The following PCDH15 variants were observed in gnomAD, a reference collection of about 807,000 sequenced individuals.
The protein encoded by PCDH15 is protocadherin-15.
PCDH15 carries 129 observed loss-of-function variants against 178.5 expected under a neutral mutation model. That is an observed-to-expected ratio of 0.72 (90% CI 0.63 to 0.84). The LOEUF (loss-of-function observed/expected upper bound fraction) is 0.84. Among genes scored for constraint, PCDH15 ranks in the 40% least tolerant of loss-of-function variants. PCDH15 has a pLI of 0.00. For missense variants in PCDH15, 2,230 were observed against 2,099.9 expected (o/e 1.06, Z -1.21); for synonymous variants, 800 against 732.0 (o/e 1.09, Z -1.50).
intron 1 of PCDH15, among the ~76,000 whole-genome samples, chr10:55,244,078 A>T (rs1379424300): frequency 6.6e-6 from 1 of 152,102 alleles, no homozygotes; most frequent in Non-Finnish European, 1.5e-5. Context: ...GAATATTCTG[A>T]TAATTTGTCT....
intron 1 of PCDH15, among the ~76,000 whole-genome samples, chr10:55,248,621 A>G (rs1025971359): frequency 5.3e-5 from 8 of 152,020 alleles, no homozygotes; most frequent in Non-Finnish European, 8.8e-5. Context: ...CCCATGCTGG[A>G]TTTCAGTGGC....
intron 5 of PCDH15, among the ~76,000 whole-genome samples, chr10:54,356,426 GC>G (rs1944984918): frequency 6.6e-6 from 1 of 151,762 alleles, no homozygotes; most frequent in African/African-American, 2.4e-5. Context: ...AGTAGTAAGG[GC>G]TGAAGAAGTT....
intron 3 of PCDH15, among the ~76,000 whole-genome samples, chr10:54,837,602 C>A (rs1953338468): frequency 6.6e-6 from 1 of 151,976 alleles, no homozygotes; most frequent in African/African-American, 2.4e-5. Context: ...TACAATATTC[C>A]TTTGAACGAG....
At chr10:55,352,188 A>T (rs1844955748) in intron 2 of PCDH15, among the ~76,000 whole-genome samples, 1 of 152,168 alleles carries the variant, frequency 6.6e-6, no homozygotes, top group South Asian at 2.1e-4. Flanking sequence ...AAATGTGGTT[A>T]TATTATACAT....
chr10:54,761,330 C>T (rs1947848515), intron 1 of PCDH15, among the ~76,000 whole-genome samples: 1 of 152,006 alleles, frequency 6.6e-6, no homozygotes, highest in African/African-American at 2.4e-5. Flanking sequence ...ACCGAATGAC[C>T]TAGGTAATAT....
chr10:54,289,939 A>AT (rs1400836483), intron 8 of PCDH15, among the ~76,000 whole-genome samples: 3 of 152,236 alleles, frequency 2.0e-5, no homozygotes, highest in Non-Finnish European at 4.4e-5. Context: ...CCTGAAAGTG[A>AT]TGGGGAGAAT....
chr10:54,058,420 C>G (rs978847322), intron 18 of PCDH15, among the ~76,000 whole-genome samples: 4 of 152,154 alleles, frequency 2.6e-5, no homozygotes, highest in African/African-American at 9.7e-5. Flanking sequence ...GTAGGAAAGA[C>G]AGCGTATGCA....
intron 15 of PCDH15, among the ~76,000 whole-genome samples, chr10:54,090,326 T>C (rs559922664): frequency 6.6e-6 from 1 of 152,208 alleles, no homozygotes; most frequent in African/African-American, 2.4e-5. Context: ...TGAATTTAAT[T>C]TCAATGTCTG....
intron 2 of PCDH15, among the ~76,000 whole-genome samples, chr10:54,556,847 G>A (rs752262684): frequency 7.9e-5 from 12 of 151,940 alleles, no homozygotes; most frequent in Non-Finnish European, 1.3e-4. Flanking sequence ...ATTAGCTGTA[G>A]GGGTGTGTCT....
At chr10:55,355,738 T>C (rs867838381) in intron 2 of PCDH15, among the ~76,000 whole-genome samples, 8 of 151,960 alleles carry the variant, frequency 5.3e-5, no homozygotes, top group African/African-American at 1.7e-4. Flanking sequence ...AAGTTTTCTT[T>C]AACTTTTTAA....
chr10:54,167,934 G>T (rs1176806812), intron 13 of PCDH15, among the ~76,000 whole-genome samples: 3 of 142,312 alleles, frequency 2.1e-5, no homozygotes, highest in Admixed American at 7.4e-5. Context: ...CCACTTTTCT[G>T]GAAGGTAAGA....
intron 1 of PCDH15, among the ~76,000 whole-genome samples, chr10:54,699,820 C>A (rs1040884615): frequency 6.6e-6 from 1 of 151,630 alleles, no homozygotes; most frequent in Non-Finnish European, 1.5e-5. Context: ...ATTTCTTTAT[C>A]TTTTTAACAC....
intron 2 of PCDH15, among the ~76,000 whole-genome samples, chr10:55,345,080 C>A (rs919743090): frequency 5.9e-5 from 9 of 151,898 alleles, no homozygotes; most frequent in African/African-American, 2.2e-4. Context: ...ATCTCTATAT[C>A]TCTCTGTTTC....
At chr10:54,152,922 T>C (rs1230762393) in intron 14 of PCDH15, among the ~76,000 whole-genome samples, 178 bp downstream of exon 14, 1 of 152,122 alleles carries the variant, frequency 6.6e-6, no homozygotes, top group Non-Finnish European at 1.5e-5. Context: ...TATTGTCCTC[T>C]TCCCAAAATT....
rs1554806798 is a variant in PCDH15 at position 54,853,316 on chromosome 10, T to TATACACATACATACATATAC, written c.-29+44133_-29+44134insGTATATGTATGTATGTGTAT. 7.1e-4 allele frequency among the ~76,000 whole-genome samples: 82 copies of TATACACATACATACATATAC among 115,118 alleles called. 1 individual carries two copies. The highest frequency in any genetic ancestry group is 2.9e-3 in the African/African-American group (79 of 27,616). The allele number at this position is 115,118 out of a possible 152,430, so 75.5% of individuals were successfully genotyped here. A position where few individuals can be genotyped will look rare whatever the true frequency, so the allele number is the denominator to read the frequency against. ...ATATATATATATATATATATATATA[T>TATACACATACATACATATAC]ATACATACACACACATATACATATA... is the stretch of plus-strand genomic sequence containing the variant. On this transcript the variant is annotated intron_variant, in intron 3 of 5. Coordinates refer to the PCDH15 transcript ENST00000458638.
chr10:54,285,856 A>G (rs562476340), intron 8 of PCDH15, among the ~76,000 whole-genome samples: 14 of 152,338 alleles, frequency 9.2e-5, no homozygotes, highest in African/African-American at 3.4e-4. Flanking sequence ...AAAATGTGGT[A>G]TATATACACA....
chr10:54,024,675 G>A (rs1318996238), intron 18 of PCDH15, among the ~76,000 whole-genome samples: 1 of 152,112 alleles, frequency 6.6e-6, no homozygotes, highest in East Asian at 1.9e-4. Flanking sequence ...AAAGATAGAA[G>A]AATTGCAGAA....
At chr10:54,940,903 C>T (rs375601963) in intron 2 of PCDH15, among the ~76,000 whole-genome samples, 44 of 152,060 alleles carry the variant, frequency 2.9e-4, no homozygotes, top group African/African-American at 1.0e-3. Flanking sequence ...CTATTTGAAT[C>T]TTTGAGTCTA....
chr10:55,009,874 T>C (rs1346469513), intron 2 of PCDH15, among the ~76,000 whole-genome samples: 1 of 152,184 alleles, frequency 6.6e-6, no homozygotes. Context: ...CAGAACTGCA[T>C]ACCTCTAGTT....
Sources: allele counts gnomAD v4.1 joint callset (sites outside exome capture counted in the v4.1 genomes callset), GRCh38; gene constraint gnomAD v4.1.1; transcripts MANE v1.5; gene names NCBI Gene and HGNC (gene_info 2026-07-23, HGNC 2026-07-21).